Variants in PPP6R2 observed in about 807,000 individuals in gnomAD.
PPP6R2 encodes protein phosphatase 6 regulatory subunit 2, also known as serine/threonine-protein phosphatase 6 regulatory subunit 2.
PPP6R2 carries 62 observed loss-of-function variants against 100.2 expected under a neutral mutation model. The ratio of observed to expected loss-of-function variants is 0.62; its 90% confidence interval spans 0.50 to 0.76. The LOEUF (loss-of-function observed/expected upper bound fraction) is 0.76. Ranked by LOEUF, PPP6R2 falls within the 30% of genes least tolerant of loss-of-function variation. PPP6R2 has a pLI of 0.00. For synonymous variants in PPP6R2, 525 were observed against 514.7 expected (o/e 1.02, Z -0.27); for missense variants, 1,142 against 1,276.3 (o/e 0.89, Z 1.60).
Position 50,436,981 on chromosome 22 carries a change from G to A in PPP6R2, c.1603-7G>A. ...CACACGCCCACCCCATCTGGCCTGT[G>A]TTTTAGGTGAGCACTCACCACCTTC... On this transcript the variant is annotated splice_region_variant and splice_polypyrimidine_tract_variant and intron_variant, in intron 14 of 23. Transcript: ENST00000612753. The A allele has an allele frequency of 6.4e-7, 1 of 1,554,166 alleles. No individual in the cohort carries two copies. The highest frequency in any genetic ancestry group is 1.2e-5 in the South Asian group (1 of 84,308).
intron 10 of PPP6R2, among the ~76,000 whole-genome samples, chr22:50,427,999 C>T (rs368812735): frequency 3.6e-4 from 55 of 152,290 alleles, no homozygotes; most frequent in Non-Finnish European, 6.9e-4. Flanking sequence ...GGATTATAGG[C>T]GTGAGCCACC....
chr22:50,426,922 C>T (rs1175742143), intron 10 of PPP6R2, among the ~76,000 whole-genome samples: 2 of 151,098 alleles, frequency 1.3e-5, no homozygotes, highest in African/African-American at 2.4e-5. Flanking sequence ...GGCGCAGTGG[C>T]TCATGCCTGT....
upstream of PPP6R2, among the ~76,000 whole-genome samples, chr22:50,338,634 T>G (rs923902967): frequency 1.7e-4 from 24 of 141,948 alleles, no homozygotes; most frequent in African/African-American, 5.9e-4. Flanking sequence ...GTATATGGTG[T>G]GTGGTGTCTG....
At chr22:50,380,858 G>A (rs1277321989) in intron 2 of PPP6R2, among the ~76,000 whole-genome samples, 5 of 151,210 alleles carry the variant, frequency 3.3e-5, no homozygotes, top group East Asian at 2.0e-4. Flanking sequence ...GCGTGGTGGC[G>A]GGCACCTATA....
Position 50,421,446 on chromosome 22 carries a change from G to A in PPP6R2, c.846-808G>A, listed in dbSNP as rs143089881. On this transcript the variant is annotated intron_variant, in intron 8 of 23. Coordinates refer to ENST00000612753, the MANE Select transcript of PPP6R2 (RefSeq NM_001242898.2). ...TGGCCTCAGAGTCCTGAGCTCAAGC[G>A]ATCCTCCCACCTGTCCCCCCCAAAG... Among the ~76,000 whole-genome samples, 441 of 152,286 alleles carry A rather than the reference G, an allele frequency of 2.9e-3. 2 individuals are homozygous for A. Among genetic ancestry groups the A allele is most frequent in the Non-Finnish European group, 4.2e-3 (289 of 68,022 alleles).
intron 22 of PPP6R2, 29 bp from the exon 23 acceptor site, chr22:50,443,837 C>A: frequency 1.3e-6 from 2 of 1,549,068 alleles, no homozygotes; most frequent in Non-Finnish European, 1.8e-6. Context: ...TGGGGGTGCC[C>A]GTAACCGGAG....
chr22:50,405,848 G>GGAGGTGAGAGGCCTGTAGA (rs2058819455), intron 3 of PPP6R2, among the ~76,000 whole-genome samples: 1 of 59,746 alleles, frequency 1.7e-5, no homozygotes, highest in Admixed American at 2.4e-4. Context: ...AGGCCTGGAG[G>GGAGGTGAGAGGCCTGTAGA]GAGGTGAGAG....
chr22:50,422,433 T>C, intron 9 of PPP6R2, 53 bp downstream of exon 9: 1 of 1,598,566 alleles, frequency 6.3e-7, no homozygotes, highest in Non-Finnish European at 8.5e-7. Flanking sequence ...CAGGAGAGGT[T>C]GATTTGCAGG....
chr22:50,431,688 C>T lies in PPP6R2; in HGVS notation c.1335+306C>T, dbSNP rs1334929305. ...GCTGGAGGCCCAGGGAATAAATGCCCAGGGAGCCAGCAGTGTCAGTGATGG... is the reference window on the plus strand; with the variant it reads ...GCTGGAGGCCCAGGGAATAAATGCCTAGGGAGCCAGCAGTGTCAGTGATGG... On this transcript the variant is annotated intron_variant, in intron 11 of 23. Coordinates refer to ENST00000612753, the MANE Select transcript of PPP6R2 (RefSeq NM_001242898.2). The surrounding 1 kb of genome is among the most constrained non-coding windows in gnomAD (Gnocchi z 4.8). 1.3e-5 allele frequency among the ~76,000 whole-genome samples: 2 copies of T among 152,064 alleles called. No homozygotes were observed. The highest frequency in any genetic ancestry group is 4.8e-5 in the African/African-American group (2 of 41,404).
chr22:50,444,510 C>T lies in PPP6R2; in HGVS notation c.*263C>T, dbSNP rs1307988259. On this transcript the variant is annotated 3_prime_UTR_variant, in exon 24 of 24. Transcript: ENST00000612753. The stretch of plus-strand genomic sequence containing the variant: ...CAAGCCCAGAGCACAGCAATAAGGT[C>T]GGCCTGCAGGAGCCGGGGTGGGGGT... 6 of 192,052 alleles carry T rather than the reference C, an allele frequency of 3.1e-5. No homozygotes were observed. The highest frequency in any genetic ancestry group is 4.7e-5 in the Non-Finnish European group (5 of 106,030). 11.9% of individuals were successfully genotyped at this position (192,052 alleles called of 1,614,324 possible). A position where few individuals can be genotyped will look rare whatever the true frequency, so the allele number is the denominator to read the frequency against.
At position 50,438,787 on chromosome 22, in the gene PPP6R2, G is replaced by C. The variant is rs193091066; in HGVS notation, c.2128+25G>C. 1,076 of 1,569,836 alleles carry C rather than the reference G, an allele frequency of 6.9e-4. 10 individuals carry two copies. In the African/African-American group the frequency reaches 0.013, roughly 18 times the overall value. Reference sequence around the variant, plus strand: ...GGTGGTGCTGGGCGCCAGGGGCTGGGAGTGTGGGTATCGGGGACAGGACAT... The same window carrying C: ...GGTGGTGCTGGGCGCCAGGGGCTGGCAGTGTGGGTATCGGGGACAGGACAT... On this transcript the variant is annotated intron_variant, in intron 19 of 23. Coordinates refer to ENST00000612753, the MANE Select transcript of PPP6R2 (RefSeq NM_001242898.2).
Position 50,418,990 on chromosome 22 carries a change from G to A in PPP6R2, c.731+11G>A. ...CACAGCGCTGGAGTCGTGAGTGCTGGTGGGCCGTGGTGCTGGTGGGCCTCC... is the reference window on the plus strand; with the variant it reads ...CACAGCGCTGGAGTCGTGAGTGCTGATGGGCCGTGGTGCTGGTGGGCCTCC... On this transcript the variant is annotated intron_variant, in intron 7 of 23. Coordinates refer to ENST00000612753, the MANE Select transcript of PPP6R2 (RefSeq NM_001242898.2). 3 of 1,599,664 alleles carry A rather than the reference G, an allele frequency of 1.9e-6. No individual in the cohort carries two copies. The highest frequency in any genetic ancestry group is 1.3e-5 in the African/African-American group (1 of 74,716).
chr22:50,441,223 G>T (rs1215176571), intron 22 of PPP6R2, 197 bp downstream of exon 22: 2 of 582,426 alleles, frequency 3.4e-6, no homozygotes, highest in Non-Finnish European at 3.1e-6. Flanking sequence ...GTGGAGGCCA[G>T]ATGGGAGAAG....
intron 1 of PPP6R2, among the ~76,000 whole-genome samples, chr22:50,347,012 G>C (rs2043928703): frequency 6.6e-6 from 1 of 151,150 alleles, no homozygotes; most frequent in Non-Finnish European, 1.5e-5. Context: ...TTCTCTGTCA[G>C]TGCCCCCCAT....
chr22:50,363,286 T>G (rs1337249270), intron 1 of PPP6R2, among the ~76,000 whole-genome samples: 1 of 152,188 alleles, frequency 6.6e-6, no homozygotes, highest in Admixed American at 6.6e-5. Context: ...TCTTGCCTTG[T>G]TCTGCAGGCC....
intron 1 of PPP6R2, among the ~76,000 whole-genome samples, chr22:50,364,859 G>A (rs974923064): frequency 6.6e-6 from 1 of 152,024 alleles, no homozygotes; most frequent in Non-Finnish European, 1.5e-5. Flanking sequence ...ATGTGTCATC[G>A]TGTAGAGGCT....
At chr22:50,396,460 A>C (rs146190085) in intron 3 of PPP6R2, among the ~76,000 whole-genome samples, 1,601 of 149,416 alleles carry the variant, frequency 0.011, 8 homozygotes, top group Non-Finnish European at 0.016. Context: ...GCTCCACTGC[A>C]CTCCAGCCTG....
Position 50,421,022 on chromosome 22 carries a change from A to G in PPP6R2, c.846-1232A>G, listed in dbSNP as rs1456040866. Among the ~76,000 whole-genome samples, 4 of 152,228 alleles carry G rather than the reference A, an allele frequency of 2.6e-5. No individual in the cohort carries two copies. The East Asian group carries it at 5.8e-4, about 22-fold the overall frequency. ...TGTGCTTTTTTAAAGTGAAAGAAAA[A>G]GGAACAATGAGAAAATGATAAGAAA... On this transcript the variant is annotated intron_variant, in intron 8 of 23. Transcript: ENST00000612753.
chr22:50,394,241 A>C (rs1006026781), intron 3 of PPP6R2, 106 bp downstream of exon 3: 14 of 1,499,972 alleles, frequency 9.3e-6, no homozygotes, highest in Non-Finnish European at 1.3e-5. Flanking sequence ...TGAAGAAGCG[A>C]GCCGTAAAAA....
Sources: allele counts gnomAD v4.1 joint callset (sites outside exome capture counted in the v4.1 genomes callset), GRCh38; gene constraint gnomAD v4.1.1; non-coding constraint Gnocchi (gnomAD v3.1); transcripts MANE v1.5; gene names NCBI Gene and HGNC (gene_info 2026-07-23, HGNC 2026-07-21).